Variants in CNTN4 observed in about 807,000 individuals in gnomAD.
The protein encoded by CNTN4 is contactin 4.
A neutral mutation model predicts 122.5 loss-of-function variants in CNTN4; 77 were observed. That is an observed-to-expected ratio of 0.63 (90% CI 0.52 to 0.76). The LOEUF is 0.76. Among genes scored for constraint, CNTN4 ranks in the 30% least tolerant of loss-of-function variants. The pLI, the probability that CNTN4 is intolerant of heterozygous loss-of-function variation, is 0.00. For missense variants in CNTN4, 1,256 were observed against 1,259.1 expected (o/e 1.00, Z 0.04); for synonymous variants, 512 against 447.0 (o/e 1.15, Z -1.83).
At chr3:2,341,684 A>G (rs946355586) in intron 3 of CNTN4, among the ~76,000 whole-genome samples, 1 of 152,256 alleles carries the variant, frequency 6.6e-6, no homozygotes, top group African/African-American at 2.4e-5. Context: ...GGGACAGAAT[A>G]TCCCCAAAAC....
chr3:2,261,096 C>G (rs1168538071), intron 2 of CNTN4, among the ~76,000 whole-genome samples: 2 of 152,116 alleles, frequency 1.3e-5, no homozygotes, highest in South Asian at 2.1e-4. Flanking sequence ...ATAATTAAAA[C>G]TAAATTGCAA....
intron 7 of CNTN4, among the ~76,000 whole-genome samples, chr3:2,823,873 G>A (rs890615725): frequency 6.6e-6 from 1 of 152,152 alleles, no homozygotes; most frequent in Admixed American, 6.6e-5. Flanking sequence ...AGCACCAGCA[G>A]CATTGGCCTC....
At chr3:2,647,871 A>G (rs530097408) in intron 4 of CNTN4, among the ~76,000 whole-genome samples, 21 of 152,310 alleles carry the variant, frequency 1.4e-4, no homozygotes, top group African/African-American at 5.1e-4. Flanking sequence ...CTAATATTAA[A>G]TGGCTTTAGT....
chr3:2,774,735 G>C (rs1485780297), intron 6 of CNTN4, among the ~76,000 whole-genome samples: 1 of 152,170 alleles, frequency 6.6e-6, no homozygotes, highest in Non-Finnish European at 1.5e-5. Flanking sequence ...GAGGATGACT[G>C]TTACAGCAGT....
Position 2,779,895 on chromosome 3 carries a change from A to T in CNTN4, c.358+34198A>T, listed in dbSNP as rs184068957. Among the ~76,000 whole-genome samples, 13 of 152,390 alleles carry T rather than the reference A, an allele frequency of 8.5e-5. No homozygotes were observed. The East Asian group carries it at 2.3e-3, about 27-fold the overall frequency. On this transcript the variant is annotated intron_variant, in intron 6 of 24. Coordinates refer to ENST00000418658, the MANE Select transcript of CNTN4 (RefSeq NM_175607.3). The stretch of plus-strand genomic sequence containing the variant: ...GTAGAGTAGCAATACGTTATTTCAA[A>T]TTAGTACACTATTGACTCTCAAGAA...
chr3:2,360,402 A>C (rs1378154035), intron 3 of CNTN4, among the ~76,000 whole-genome samples: 1 of 152,188 alleles, frequency 6.6e-6, no homozygotes, highest in Non-Finnish European at 1.5e-5. Context: ...CTTTCAGTGA[A>C]CTGGAAATAC....
chr3:2,733,530 G>GGGTT (rs2088843629), intron 4 of CNTN4, among the ~76,000 whole-genome samples: 1 of 114,528 alleles, frequency 8.7e-6, no homozygotes, highest in African/African-American at 4.5e-5. Context: ...GTGCATGTTT[G>GGGTT]TGTTTTTTTT....
At chr3:2,849,335 T>C (rs2093507977) in intron 7 of CNTN4, among the ~76,000 whole-genome samples, 1 of 152,218 alleles carries the variant, frequency 6.6e-6, no homozygotes, top group Non-Finnish European at 1.5e-5. Flanking sequence ...ACATGAATAA[T>C]GGTGATAGTT....
chr3:2,557,999 A>C (rs1197220729), intron 3 of CNTN4, among the ~76,000 whole-genome samples: 1 of 152,186 alleles, frequency 6.6e-6, no homozygotes, highest in African/African-American at 2.4e-5. Context: ...TAAAATCTGC[A>C]ATGGTATACT....
intron 7 of CNTN4, among the ~76,000 whole-genome samples, chr3:2,835,283 A>T (rs1330940149): frequency 2.6e-5 from 4 of 152,158 alleles, no homozygotes; most frequent in African/African-American, 9.7e-5. Flanking sequence ...ACACCATGAA[A>T]CATAGAGTCA....
chr3:2,379,949 C>T (rs1228721530), intron 3 of CNTN4, among the ~76,000 whole-genome samples: 1 of 150,602 alleles, frequency 6.6e-6, no homozygotes, highest in Admixed American at 6.6e-5. Context: ...CCCAGCTACT[C>T]GGGAGGCTGA....
intron 3 of CNTN4, among the ~76,000 whole-genome samples, chr3:2,552,630 T>C (rs1025460599): frequency 2.0e-5 from 3 of 152,236 alleles, no homozygotes; most frequent in Non-Finnish European, 2.9e-5. Flanking sequence ...GTGGTAACTT[T>C]GATCTGTGGA....
At chr3:2,936,437 T>G (rs1452970422) in intron 13 of CNTN4, among the ~76,000 whole-genome samples, 1 of 152,204 alleles carries the variant, frequency 6.6e-6, no homozygotes, top group African/African-American at 2.4e-5. Context: ...CCATAGGATT[T>G]TAATGCACAC....
chr3:2,594,420 T>C (rs2149687332), intron 4 of CNTN4, among the ~76,000 whole-genome samples: 1 of 147,310 alleles, frequency 6.8e-6, no homozygotes, highest in South Asian at 2.2e-4. Context: ...ATGGATCTTT[T>C]TTTTTTTTTT....
intron 2 of CNTN4, among the ~76,000 whole-genome samples, chr3:2,249,700 AATC>A (rs1262043038): frequency 2.0e-5 from 3 of 151,946 alleles, no homozygotes; most frequent in Non-Finnish European, 4.4e-5. Flanking sequence ...GCTGGAAAGA[AATC>A]AACCAAACAA....
At chr3:2,698,175 G>T (rs1467677251) in intron 4 of CNTN4, among the ~76,000 whole-genome samples, 1 of 152,172 alleles carries the variant, frequency 6.6e-6, no homozygotes, top group African/African-American at 2.4e-5. Context: ...GTTGTCAAGA[G>T]AACATACTAT....
chr3:2,203,507 A>C (rs929348080), intron 2 of CNTN4, among the ~76,000 whole-genome samples: 2 of 152,156 alleles, frequency 1.3e-5, no homozygotes, highest in East Asian at 1.9e-4. Context: ...AAAGTAGAGC[A>C]TGTTATATAT....
chr3:2,852,189 T>C (rs2093560348), intron 7 of CNTN4, among the ~76,000 whole-genome samples: 1 of 152,180 alleles, frequency 6.6e-6, no homozygotes, highest in Non-Finnish European at 1.5e-5. Flanking sequence ...AGATTTAATT[T>C]TCTGGCCTGG....
intron 3 of CNTN4, among the ~76,000 whole-genome samples, chr3:2,383,975 C>A (rs949302589): frequency 6.6e-6 from 1 of 152,112 alleles, no homozygotes; most frequent in Admixed American, 6.6e-5. Context: ...CCATTTGATA[C>A]CTATGACTGA....
Sources: allele counts gnomAD v4.1 joint callset (sites outside exome capture counted in the v4.1 genomes callset), GRCh38; gene constraint gnomAD v4.1.1; transcripts MANE v1.5; gene names NCBI Gene and HGNC (gene_info 2026-07-23, HGNC 2026-07-21).